ABCA4: variants seen among roughly 807,000 people sequenced by gnomAD.
The protein encoded by ABCA4 is ATP binding cassette subfamily A member 4.
ABCA4 carries 196 observed loss-of-function variants against 263.7 expected under a neutral mutation model. The observed-to-expected ratio is 0.74, with a 90% CI of 0.66 to 0.84. The LOEUF (loss-of-function observed/expected upper bound fraction) is 0.84, where lower values mean the gene tolerates loss of function less well. ABCA4 is among the 40% of genes least tolerant of loss of function. The pLI is 0.00. For missense variants in ABCA4, 2,792 were observed against 2,855.1 expected (o/e 0.98, Z 0.50); for synonymous variants, 1,133 against 1,094.2 (o/e 1.04, Z -0.70).
Position 94,096,452 on chromosome 1 carries a change from G to A in ABCA4, c.768+2342C>T, listed in dbSNP as rs566045389. ...TTTGGAGCCTTGGCCTCAGCACAGT[G>A]CCCGGCCCTTCACAGGTGCCTGATG... On this transcript the variant is annotated intron_variant, in intron 6 of 49. Transcript: ENST00000370225. Among the ~76,000 whole-genome samples the A allele has an allele frequency of 2.1e-3, 325 of 152,280 alleles. 1 individual carries two copies. Among genetic ancestry groups the A allele is most frequent in the Non-Finnish European group, 3.9e-3 (268 of 68,030 alleles).
intron 5 of ABCA4, among the ~76,000 whole-genome samples, 167 bp downstream of exon 5, chr1:94,102,848 G>T (rs1200533937): frequency 6.6e-6 from 1 of 152,156 alleles, no homozygotes; most frequent in African/African-American, 2.4e-5. Context: ...AAATGATCAC[G>T]ATCTCAAGTG....
chr1:94,041,377 G>T lies in ABCA4; in HGVS notation c.3354C>A (p.His1118Gln). Reference sequence around the variant, plus strand: ...CAAGGAGGTCGGCCTCGTCCATGTGGTGAGTGGACATGATGATGGTTCTGC... The same window carrying T: ...CAAGGAGGTCGGCCTCGTCCATGTGTTGAGTGGACATGATGATGGTTCTGC... ...RSGRTIIMSTHHMDEADLLGD... is the reference protein window; with the variant it reads ...RSGRTIIMSTQHMDEADLLGD... The change falls in exon 23 of 50, where the codon CAC becomes CAA. Residue 1118 changes from histidine to glutamine, a missense_variant. By Grantham distance (24) the His-to-Gln change is conservative (BLOSUM62 0). Transcript: ENST00000370225. 1 of 1,614,048 alleles carries T rather than the reference G, an allele frequency of 6.2e-7. No individual in the cohort carries two copies. The highest frequency in any genetic ancestry group is 1.7e-5 in the Admixed American group (1 of 60,028).
At chr1:94,081,969 CATTAGGATTCA>C (rs372446208) in intron 7 of ABCA4, among the ~76,000 whole-genome samples, 23 of 152,302 alleles carry the variant, frequency 1.5e-4, no homozygotes, top group African/African-American at 5.1e-4. Flanking sequence ...TTTATAAAAC[CATTAGGATTCA>C]ATCAGTGAGA....
intron 5 of ABCA4, among the ~76,000 whole-genome samples, chr1:94,099,602 G>C (rs1342701726): frequency 6.6e-6 from 1 of 152,142 alleles, no homozygotes; most frequent in African/African-American, 2.4e-5. Context: ...CTGAAGGTGG[G>C]GTTGAGAAGT....
intron 26 of ABCA4, among the ~76,000 whole-genome samples, chr1:94,034,898 C>T (rs1660300695): frequency 6.6e-6 from 1 of 152,170 alleles, no homozygotes; most frequent in Non-Finnish European, 1.5e-5. Flanking sequence ...TATAAGTCGG[C>T]AAGCATTAAC....
intron 11 of ABCA4, among the ~76,000 whole-genome samples, chr1:94,076,839 C>A (rs1031923678): frequency 6.6e-6 from 1 of 152,136 alleles, no homozygotes; most frequent in Non-Finnish European, 1.5e-5. Context: ...CCTCAGAGAG[C>A]CTGGAATGCA....
intron 27 of ABCA4, among the ~76,000 whole-genome samples, chr1:94,031,496 G>T (rs1402154462): frequency 7.2e-5 from 11 of 152,184 alleles, no homozygotes; most frequent in Non-Finnish European, 2.9e-5. Flanking sequence ...CTGCAAAAAT[G>T]AATGAAAACA....
intron 6 of ABCA4, among the ~76,000 whole-genome samples, chr1:94,090,241 G>A (rs961503156): frequency 2.6e-5 from 4 of 152,060 alleles, no homozygotes; most frequent in African/African-American, 9.7e-5. Flanking sequence ...TGAAACTCAA[G>A]GGCTTGTTTT....
At chr1:94,032,182 CA>C in intron 26 of ABCA4, 139 bp from the exon 27 acceptor site, 1 of 1,036,928 alleles carries the variant, frequency 9.6e-7, no homozygotes, top group South Asian at 1.4e-5. Flanking sequence ...GTAGCTTAAT[CA>C]TCTTTATAAA....
At position 94,007,992 on chromosome 1, in the gene ABCA4, TATTA is replaced by T. The variant is rs1659441993; in HGVS notation, c.5898+239_5898+242del. ...CAAATATTTCATTAATAAGGTTTTCTATTAATTACATTTTGAAATAATATTTTGG... is the reference window on the plus strand; with the variant it reads ...CAAATATTTCATTAATAAGGTTTTCTATTACATTTTGAAATAATATTTTGG... On this transcript the variant is annotated intron_variant, in intron 42 of 49. Transcript: ENST00000370225. 2.0e-5 allele frequency among the ~76,000 whole-genome samples: 3 copies of T among 151,098 alleles called. No homozygotes were observed. In the South Asian group the frequency reaches 6.2e-4, roughly 31 times the overall value.
chr1:94,033,107 T>C (rs190808849), intron 26 of ABCA4, among the ~76,000 whole-genome samples: 475 of 152,292 alleles, frequency 3.1e-3, no homozygotes, highest in African/African-American at 0.011. Flanking sequence ...TCTGCCTAAA[T>C]CTGAGTTTTC....
At chr1:94,056,158 A>T (rs778340148) in intron 15 of ABCA4, among the ~76,000 whole-genome samples, 1 of 152,362 alleles carries the variant, frequency 6.6e-6, no homozygotes, top group Admixed American at 6.5e-5. Flanking sequence ...CATGTTAAAG[A>T]TACTTGTGGA....
In ABCA4 at chr1:94,055,080, T is replaced by C. The variant is rs76186110; in HGVS notation, c.2587+31A>G. The C allele has an allele frequency of 8.8e-6, 14 of 1,599,312 alleles. No homozygotes were observed. In the African/African-American group the frequency reaches 1.5e-4, roughly 17 times the overall value. The stretch of plus-strand genomic sequence containing the variant: ...AGGGCTGGGGATCTGAAGAACTCAA[T>C]TACCTTTACCCTATAGAGGAGGATG... On this transcript the variant is annotated intron_variant, in intron 16 of 49. Coordinates refer to ENST00000370225, the MANE Select transcript of ABCA4 (RefSeq NM_000350.3).
chr1:93,994,905 G>A (rs750618141), intron 49 of ABCA4, among the ~76,000 whole-genome samples: 3 of 152,206 alleles, frequency 2.0e-5, no homozygotes, highest in Admixed American at 6.5e-5. Flanking sequence ...AGGCAGGGGT[G>A]GGGAGACCAT....
At chr1:94,038,758 T>C (rs141689123) in intron 24 of ABCA4, among the ~76,000 whole-genome samples, 60 of 152,248 alleles carry the variant, frequency 3.9e-4, no homozygotes, top group Non-Finnish European at 5.4e-4. Context: ...CAGAAGTAGC[T>C]CTGTAGGTCA....
At position 94,067,360 on chromosome 1, in the gene ABCA4, T is replaced by C. The variant is rs1284495202; in HGVS notation, c.1555-4043A>G. Among the ~76,000 whole-genome samples, 4 of 152,250 alleles carry C rather than the reference T, an allele frequency of 2.6e-5. No individual in the cohort carries two copies. In the East Asian group the frequency reaches 7.7e-4, roughly 29 times the overall value. On this transcript the variant is annotated intron_variant, in intron 11 of 49. Coordinates refer to ENST00000370225, the MANE Select transcript of ABCA4 (RefSeq NM_000350.3). ...AAGCAGCTGATGTTTTTCAGTGGCA[T>C]TGCTGACTGCTGTGATGACGTGGGC...
At chr1:94,094,795 T>G (rs1662078437) in intron 6 of ABCA4, among the ~76,000 whole-genome samples, 1 of 152,138 alleles carries the variant, frequency 6.6e-6, no homozygotes, top group Non-Finnish European at 1.5e-5. Flanking sequence ...AGGAGGGGCA[T>G]GCATGCCTTG....
Position 94,047,078 on chromosome 1 carries a change from C to T in ABCA4, c.2759G>A (p.Arg920His), listed in dbSNP as rs376526710. The change falls in exon 19 of 50, where the codon CGT (arginine) becomes CAT (histidine). Residue 920 changes from arginine to histidine, a missense_variant. Physicochemically the swap from Arg to His is conservative, Grantham distance 29. Coordinates refer to ENST00000370225, the MANE Select transcript of ABCA4 (RefSeq NM_000350.3). ...CCCAGGAACCCACCCTGGATGCTCA[C>T]GTTCAAAGAAGGAGTCTTGGAGGAA... is the stretch of plus-strand genomic sequence containing the variant. ...PEGIHDSFFE[R>H]EHPGWVPGVC... The T allele has an allele frequency of 4.0e-5, 65 of 1,613,986 alleles. No individual in the cohort carries two copies. Among genetic ancestry groups the T allele is most frequent in the East Asian group, 2.9e-4 (13 of 44,890 alleles).
intron 47 of ABCA4, among the ~76,000 whole-genome samples, chr1:94,000,039 A>G (rs1193967381): frequency 1.3e-5 from 2 of 152,258 alleles, no homozygotes; most frequent in African/African-American, 2.4e-5. Context: ...AAAGGATGAC[A>G]TCTTCTGTGT....
Sources: allele counts gnomAD v4.1 joint callset (sites outside exome capture counted in the v4.1 genomes callset), GRCh38; gene constraint gnomAD v4.1.1; transcripts MANE v1.5; gene names NCBI Gene and HGNC (gene_info 2026-07-23, HGNC 2026-07-21).